The following RBM24 variants were observed in gnomAD, a reference collection of about 807,000 sequenced individuals.
The protein encoded by RBM24 is RNA binding motif protein 24, also known as RNA-binding protein 24.
Under a neutral mutation model 23.6 loss-of-function variants are expected in RBM24, and 5 were observed. That is an observed-to-expected ratio of 0.21 (90% confidence interval 0.11 to 0.45). RBM24 has a LOEUF of 0.45. RBM24 is among the 20% of genes least tolerant of loss of function. The probability of loss-of-function intolerance (pLI) is 0.99; values close to 1 mark genes in which losing one functional copy is unlikely to be tolerated. For missense variants in RBM24, 252 were observed against 314.6 expected, an observed-to-expected ratio of 0.80 and a Z score of 1.51; for synonymous variants, 151 against 129.5, an observed-to-expected ratio of 1.17 and a Z score of -1.13.
At chr6:17,288,359 G>A in intron 3 of RBM24, 1 of 985,440 alleles carries the variant, frequency 1.0e-6, no homozygotes, top group Non-Finnish European at 1.2e-6. Flanking sequence ...CTTCGTGAAG[G>A]AAGTAGAAGT....
rs1013512055 is a variant in RBM24, at chr6:17,293,736, G to A, written c.*1617G>A. The A allele has an allele frequency of 6.6e-6, 1 of 152,596 alleles. No individual in the cohort carries two copies. The highest frequency in any genetic ancestry group is 1.5e-5 in the Non-Finnish European group (1 of 68,032). The allele number at this position is 152,596 out of a possible 1,614,324, so 9.5% of individuals were successfully genotyped here. On this transcript the variant is annotated 3_prime_UTR_variant, in exon 4 of 4. Transcript: ENST00000379052. ...TCCATTATCACTGGATTTACTTTAA[G>A]TATTCCCATACTAGACAGTGTTATG...
intron 3 of RBM24, 64 bp from the exon 4 acceptor site, chr6:17,291,692 T>C: frequency 6.6e-7 from 1 of 1,518,718 alleles, no homozygotes; most frequent in Non-Finnish European, 8.9e-7. Flanking sequence ...TTGTTTTATC[T>C]TTGAACAACA....
intron 3 of RBM24, chr6:17,285,245 A>G (rs1358193388): frequency 6.6e-6 from 1 of 152,138 alleles, no homozygotes; most frequent in Non-Finnish European, 1.5e-5. Context: ...GCTTTATTTT[A>G]TTTATTACAG....
At chr6:17,291,726 C>A (rs369187720) in intron 3 of RBM24, 30 bp from the exon 4 acceptor site, 79 of 1,578,104 alleles carry the variant, frequency 5.0e-5, no homozygotes, top group Non-Finnish European at 6.5e-5. Context: ...AGGTGACTAC[C>A]GCCTGACTTT....
chr6:17,283,265 T>C (rs1056991391), intron 2 of RBM24, among the ~76,000 whole-genome samples: 3 of 152,174 alleles, frequency 2.0e-5, no homozygotes, highest in African/African-American at 7.2e-5. Flanking sequence ...GTGGATTATA[T>C]AGGCCAAATT....
In RBM24 at chr6:17,281,931, C is replaced by T. The variant is rs1257027979; in HGVS notation, c.168+182C>T. 1 of 1,337,212 alleles carries T rather than the reference C, an allele frequency of 7.5e-7. No individual in the cohort carries two copies. The highest frequency in any genetic ancestry group is 1.0e-6 in the Non-Finnish European group (1 of 1,004,150). The allele number at this position is 1,337,212 out of a possible 1,614,324, so 82.8% of individuals were successfully genotyped here. On this transcript the variant is annotated intron_variant, in intron 1 of 3. Transcript: ENST00000379052. This position sits in a 1 kb window ranked among gnomAD's most constrained non-coding sequence, Gnocchi z 7.1. ...GGGGAGAGGGTCGGCGCCAGCCTCG[C>T]GGGGTTCGGAGAAGACCCAGCGCTG... is the stretch of plus-strand genomic sequence containing the variant.
At position 17,281,926 on chromosome 6, in the gene RBM24, C is replaced by A; in HGVS notation, c.168+177C>A. ...TGCTAGGGGAGAGGGTCGGCGCCAGCCTCGCGGGGTTCGGAGAAGACCCAG... is the reference window on the plus strand; with the variant it reads ...TGCTAGGGGAGAGGGTCGGCGCCAGACTCGCGGGGTTCGGAGAAGACCCAG... On this transcript the variant is annotated intron_variant, in intron 1 of 3. Transcript: ENST00000379052. The surrounding 1 kb of genome is among the most constrained non-coding windows in gnomAD (Gnocchi z 7.1). 7.5e-7 allele frequency: 1 copy of A among 1,334,938 alleles called. No individual in the cohort carries two copies. Among genetic ancestry groups the A allele is most frequent in the Non-Finnish European group, 1.0e-6 (1 of 999,084 alleles). The allele number at this position is 1,334,938 out of a possible 1,614,324, so 82.7% of individuals were successfully genotyped here. A position where few individuals can be genotyped will look rare whatever the true frequency, so the allele number is the denominator to read the frequency against.
At chr6:17,290,379 T>C (rs1760322823) in intron 3 of RBM24, among the ~76,000 whole-genome samples, 2 of 152,196 alleles carry the variant, frequency 1.3e-5, no homozygotes, top group African/African-American at 4.8e-5. Flanking sequence ...AGAAGATAAA[T>C]CAGATATTTA....
In RBM24 at chr6:17,292,172, A is replaced by C; in HGVS notation, c.*53A>C. 6.9e-7 allele frequency: 1 copy of C among 1,452,274 alleles called. No homozygotes were observed. Among genetic ancestry groups the C allele is most frequent in the Middle Eastern group, 1.9e-4 (1 of 5,404 alleles). The allele number at this position is 1,452,274 out of a possible 1,614,324, so 90.0% of individuals were successfully genotyped here. Reference sequence around the variant, plus strand: ...TTTTCTCTTTCCCTCCCAATTTTCCAATTTTTAGTAGCTAATAAGAGAGTT... The same window carrying C: ...TTTTCTCTTTCCCTCCCAATTTTCCCATTTTTAGTAGCTAATAAGAGAGTT... On this transcript the variant is annotated 3_prime_UTR_variant, in exon 4 of 4. Coordinates refer to ENST00000379052, the MANE Select transcript of RBM24 (RefSeq NM_001143942.2).
At chr6:17,289,336 T>C (rs1760286964) in intron 3 of RBM24, 1 of 985,448 alleles carries the variant, frequency 1.0e-6, no homozygotes, top group Middle Eastern at 5.2e-4. Context: ...GTTCTCCTTT[T>C]CCCTCTAAGC....
In RBM24 at chr6:17,288,801, TG is replaced by T. The variant is rs1418923376; in HGVS notation, c.348-2954del. ...AAGGTGGAAGGAAATACTAGAAAGG[TG>T]TTTTGGAGCCAGGGGCAGTCTGGAT... On this transcript the variant is annotated intron_variant, in intron 3 of 3. Transcript: ENST00000379052. 3.0e-6 allele frequency: 3 copies of T among 985,278 alleles called. No homozygotes were observed. In the African/African-American group the frequency reaches 5.2e-5, roughly 17 times the overall value. 61.0% of individuals were successfully genotyped at this position (985,278 alleles called of 1,614,324 possible).
chr6:17,286,571 G>C (rs1760205878), intron 3 of RBM24, among the ~76,000 whole-genome samples: 1 of 152,200 alleles, frequency 6.6e-6, no homozygotes, highest in African/African-American at 2.4e-5. Context: ...GCAAAAACCA[G>C]TCAAGAATTA....
In RBM24 at chr6:17,282,916, A is replaced by G; in HGVS notation, c.280A>G (p.Ile94Val). 6.2e-7 allele frequency: 1 copy of G among 1,613,894 alleles called. No individual in the cohort carries two copies. Among genetic ancestry groups the G allele is most frequent in the Non-Finnish European group, 8.5e-7 (1 of 1,179,850 alleles). Residue 94 changes from isoleucine to valine, a missense_variant, in exon 2 of 4, where the codon ATC becomes GTC. Physicochemically the swap from Ile to Val is conservative, Grantham distance 29. Coordinates refer to ENST00000379052, the MANE Select transcript of RBM24 (RefSeq NM_001143942.2). The stretch of plus-strand genomic sequence containing the variant: ...GGCATACTTAGGAGCAAAACCAAGG[A>G]TCATGCAACCAGGTGAGAAATGTCT... ...NLAYLGAKPR[I>V]MQPGFAFGVQ...
chr6:17,290,814 A>G (rs1167026437), intron 3 of RBM24: 3 of 1,279,410 alleles, frequency 2.3e-6, no homozygotes, highest in Non-Finnish European at 3.1e-6. Flanking sequence ...CAACCTCATC[A>G]TTTCCCCAAA....
chr6:17,288,250 C>T, intron 3 of RBM24: 1 of 985,382 alleles, frequency 1.0e-6, no homozygotes, highest in Non-Finnish European at 1.2e-6. Flanking sequence ...TCTATTCTCT[C>T]ATAATCCAGT....
At chr6:17,282,689 G>GA in intron 1 of RBM24, 116 bp from the exon 2 acceptor site, 2 of 1,207,594 alleles carry the variant, frequency 1.7e-6, no homozygotes, top group African/African-American at 1.9e-5. Context: ...GCAAAGAATA[G>GA]AAAAAAAGTT....
intron 3 of RBM24, chr6:17,290,211 T>A: frequency 1.4e-6 from 1 of 706,524 alleles, no homozygotes; most frequent in Non-Finnish European, 2.1e-6. Flanking sequence ...CTGAAAAATC[T>A]ACAAGTGCTG....
In RBM24 at chr6:17,293,553, G is replaced by A. The variant is rs1219474723; in HGVS notation, c.*1434G>A. 3 of 152,324 alleles carry A rather than the reference G, an allele frequency of 2.0e-5. No individual in the cohort carries two copies. The highest frequency in any genetic ancestry group is 6.6e-5 in the Admixed American group (1 of 15,248). The allele number at this position is 152,324 out of a possible 1,614,324, so 9.4% of individuals were successfully genotyped here. ...TAATTCATTAGTTTAACACTATTAT[G>A]TAGTTTTTAAATGCTGCTTTACATT... On this transcript the variant is annotated 3_prime_UTR_variant, in exon 4 of 4. Coordinates refer to ENST00000379052, the MANE Select transcript of RBM24 (RefSeq NM_001143942.2).
chr6:17,287,405 A>G (rs1760227804), intron 3 of RBM24, among the ~76,000 whole-genome samples: 1 of 152,220 alleles, frequency 6.6e-6, no homozygotes, highest in East Asian at 1.9e-4. Context: ...AGATGTAGAA[A>G]AACTTATAAA....
Sources: gnomAD v4.1 joint callset for allele counts (sites outside exome capture counted in the v4.1 genomes callset) on GRCh38, gnomAD v4.1.1 for gene constraint, Gnocchi (gnomAD v3.1) non-coding constraint, MANE v1.5 for transcripts, NCBI Gene and HGNC (gene_info 2026-07-23, HGNC 2026-07-21) for gene names.